The following MTUS2 variants were observed in gnomAD, a reference collection of about 807,000 sequenced individuals.
The protein encoded by MTUS2 is microtubule associated scaffold protein 2.
Under a neutral mutation model 114.1 loss-of-function variants are expected in MTUS2, and 40 were observed. The ratio of observed to expected loss-of-function variants is 0.35; its 90% CI spans 0.27 to 0.46. MTUS2 has a LOEUF of 0.46. MTUS2 is among the 20% of genes least tolerant of loss of function. The pLI, the probability that MTUS2 is intolerant of heterozygous loss-of-function variation, is 1.00. For missense variants in MTUS2, 1,679 were observed against 1,705.4 expected (o/e 0.98, Z 0.27); for synonymous variants, 688 against 672.0 (o/e 1.02, Z -0.37).
chr13:29,471,603 G>T (rs965129804), intron 9 of MTUS2, among the ~76,000 whole-genome samples: 5 of 152,130 alleles, frequency 3.3e-5, no homozygotes, highest in African/African-American at 1.2e-4. Context: ...TACAACAGTG[G>T]TTGTTTTTAG....
intron 8 of MTUS2, among the ~76,000 whole-genome samples, chr13:29,388,904 A>G (rs978544882): frequency 6.6e-6 from 1 of 151,890 alleles, no homozygotes; most frequent in South Asian, 2.1e-4. Flanking sequence ...GCATATCTAT[A>G]TTTTATGTCT....
chr13:29,268,245 A>G (rs1335656), intron 5 of MTUS2, among the ~76,000 whole-genome samples: 72,697 of 151,940 alleles, frequency 0.48, 18,271 homozygotes, highest in Admixed American at 0.57. Flanking sequence ...GCTCTTTGAA[A>G]GTTTTTGTGA....
intron 2 of MTUS2, among the ~76,000 whole-genome samples, chr13:28,995,256 C>G (rs1265734453): frequency 6.6e-6 from 1 of 152,134 alleles, no homozygotes; most frequent in African/African-American, 2.4e-5. Context: ...TTCCATTGAT[C>G]TATATCTCTG....
At chr13:28,977,524 A>G (rs1390335213) in intron 2 of MTUS2, among the ~76,000 whole-genome samples, 1 of 152,182 alleles carries the variant, frequency 6.6e-6, no homozygotes, top group African/African-American at 2.4e-5. Flanking sequence ...CCTACGAGGT[A>G]ATTGGTTTTC....
At chr13:29,151,849 A>G (rs78898525) in intron 5 of MTUS2, among the ~76,000 whole-genome samples, 1 of 152,166 alleles carries the variant, frequency 6.6e-6, no homozygotes, top group South Asian at 2.1e-4. Flanking sequence ...TGATTTGCAT[A>G]TGTTGAACCA....
intron 5 of MTUS2, among the ~76,000 whole-genome samples, chr13:29,103,545 G>T (rs547945921): frequency 2.0e-5 from 3 of 152,298 alleles, no homozygotes; most frequent in Admixed American, 2.0e-4. Context: ...AGGTGCTCTT[G>T]GTGAGTCAGA....
intron 1 of MTUS2, among the ~76,000 whole-genome samples, chr13:28,833,495 A>T (rs1345562339): frequency 6.6e-6 from 1 of 152,136 alleles, no homozygotes; most frequent in Non-Finnish European, 1.5e-5. Context: ...AAACAAAAAA[A>T]CCACTTGACA....
chr13:28,821,656 C>A (rs1198958084), intron 1 of MTUS2, among the ~76,000 whole-genome samples: 1 of 152,214 alleles, frequency 6.6e-6, no homozygotes, highest in African/African-American at 2.4e-5. Flanking sequence ...TTGGTCTGGG[C>A]TGATACCTTG....
chr13:29,348,174 G>C (rs775091151), intron 7 of MTUS2, among the ~76,000 whole-genome samples: 24 of 152,152 alleles, frequency 1.6e-4, no homozygotes, highest in Non-Finnish European at 3.1e-4. Flanking sequence ...TCATGGCTTG[G>C]TCTTTTTGGT....
chr13:29,149,934 T>A (rs1449737211), intron 5 of MTUS2, among the ~76,000 whole-genome samples: 1 of 152,178 alleles, frequency 6.6e-6, no homozygotes, highest in Non-Finnish European at 1.5e-5. Flanking sequence ...GTATATAGTT[T>A]GAAGTTGGGT....
At chr13:28,913,144 A>G (rs535878793) in intron 2 of MTUS2, among the ~76,000 whole-genome samples, 39 of 152,272 alleles carry the variant, frequency 2.6e-4, no homozygotes, top group Admixed American at 7.9e-4. Flanking sequence ...AACTTCCAAC[A>G]CTATGTTGAA....
At chr13:28,874,028 T>C (rs1877780534) in intron 2 of MTUS2, among the ~76,000 whole-genome samples, 1 of 152,214 alleles carries the variant, frequency 6.6e-6, no homozygotes, top group South Asian at 2.1e-4. Flanking sequence ...CTTAATTTTT[T>C]CTTTTTTTGA....
chr13:28,895,321 T>C (rs183379829), intron 2 of MTUS2, among the ~76,000 whole-genome samples: 30 of 152,214 alleles, frequency 2.0e-4, no homozygotes, highest in Admixed American at 1.6e-3. Context: ...ATTTCATGGG[T>C]TTTACTTGAC....
chr13:29,404,309 G>GCCA (rs1457672543), intron 8 of MTUS2, among the ~76,000 whole-genome samples: 3 of 151,900 alleles, frequency 2.0e-5, no homozygotes, highest in African/African-American at 7.3e-5. Context: ...CTGTGATTGC[G>GCCA]CCACCGCACT....
intron 8 of MTUS2, among the ~76,000 whole-genome samples, chr13:29,398,747 T>TA (rs1410247981): frequency 2.0e-5 from 3 of 152,010 alleles, no homozygotes; most frequent in Admixed American, 1.3e-4. Flanking sequence ...ACAATTTTTT[T>TA]AAAAAATCAC....
At chr13:29,173,570 C>T (rs763967717) in intron 5 of MTUS2, among the ~76,000 whole-genome samples, 1 of 151,978 alleles carries the variant, frequency 6.6e-6, no homozygotes, top group South Asian at 2.1e-4. Context: ...ATATTCGTAC[C>T]TTTAGTACTG....
chr13:29,389,340 TGC>T (rs1566172440), intron 8 of MTUS2, among the ~76,000 whole-genome samples: 13,624 of 54,836 alleles, frequency 0.25, 3,128 homozygotes, highest in East Asian at 0.34. Flanking sequence ...TATATATGTA[TGC>T]ACGTGTGTGT....
chr13:29,486,082 C>T (rs1375344660), intron 10 of MTUS2, among the ~76,000 whole-genome samples: 1 of 152,196 alleles, frequency 6.6e-6, no homozygotes, highest in Non-Finnish European at 1.5e-5. Flanking sequence ...TCCATGAAAA[C>T]CTCCTATAAA....
intron 2 of MTUS2, among the ~76,000 whole-genome samples, chr13:28,980,484 C>G (rs1057014370): frequency 1.1e-4 from 16 of 152,160 alleles, no homozygotes; most frequent in African/African-American, 3.9e-4. Context: ...TCTCCCTACT[C>G]CCCTTTTTAC....
Sources: gnomAD v4.1 joint callset for allele counts (sites outside exome capture counted in the v4.1 genomes callset) on GRCh38, gnomAD v4.1.1 for gene constraint, MANE v1.5 for transcripts, NCBI Gene and HGNC (gene_info 2026-07-23, HGNC 2026-07-21) for gene names.